Variants in PPME1 observed in about 807,000 individuals in gnomAD.
PPME1 encodes the protein protein phosphatase methylesterase 1.
PPME1 carries 17 observed loss-of-function variants against 56.9 expected under a neutral mutation model. That is an observed-to-expected ratio of 0.30 (90% CI 0.20 to 0.45). The LOEUF (loss-of-function observed/expected upper bound fraction) is 0.45, where lower values mean the gene tolerates loss of function less well. PPME1 is among the 20% of genes least tolerant of loss of function. PPME1 has a pLI of 1.00. For missense variants in PPME1, 357 were observed against 483.2 expected, an observed-to-expected ratio of 0.74 and a Z score of 2.45; for synonymous variants, 122 against 156.2, an observed-to-expected ratio of 0.78 and a Z score of 1.63.
chr11:74,193,587 A>G (rs1857899955), intron 1 of PPME1, among the ~76,000 whole-genome samples: 1 of 152,098 alleles, frequency 6.6e-6, no homozygotes. Flanking sequence ...CACTGTCTTT[A>G]TTTCCTTTCA....
At chr11:74,227,612 T>C (rs532470710) in intron 5 of PPME1, among the ~76,000 whole-genome samples, 1 of 152,190 alleles carries the variant, frequency 6.6e-6, no homozygotes, top group Non-Finnish European at 1.5e-5. Context: ...CAGTAATGCT[T>C]CTCAGAAAAT....
intron 13 of PPME1, 163 bp downstream of exon 13, chr11:74,251,878 A>G: frequency 1.1e-6 from 1 of 934,088 alleles, no homozygotes; most frequent in Non-Finnish European, 1.7e-6. Context: ...GTTTCTACAA[A>G]GCCATGGTTG....
intron 1 of PPME1, among the ~76,000 whole-genome samples, chr11:74,192,764 C>T (rs542195055): frequency 6.6e-5 from 10 of 152,164 alleles, no homozygotes; most frequent in African/African-American, 9.7e-5. Flanking sequence ...TGCTTCTGCT[C>T]TCACCTTGTG....
At chr11:74,192,078 C>CT (rs1286099409) in intron 1 of PPME1, among the ~76,000 whole-genome samples, 7 of 152,222 alleles carry the variant, frequency 4.6e-5, no homozygotes, top group Non-Finnish European at 1.0e-4. Flanking sequence ...GCTCTAACCT[C>CT]TGAGAAAAGC....
chr11:74,203,959 G>T, intron 2 of PPME1, 138 bp downstream of exon 2: 1 of 607,606 alleles, frequency 1.6e-6, no homozygotes, highest in Non-Finnish European at 2.7e-6. Flanking sequence ...ATGGAATATT[G>T]CCTGGAAGTC....
At chr11:74,200,125 T>A (rs541647124) in intron 1 of PPME1, among the ~76,000 whole-genome samples, 150 of 152,250 alleles carry the variant, frequency 9.9e-4, no homozygotes, top group Non-Finnish European at 1.8e-3. Context: ...AATCTAAAAA[T>A]TATAATTAAA....
At chr11:74,198,548 A>T (rs1490484168) in intron 1 of PPME1, among the ~76,000 whole-genome samples, 3 of 152,020 alleles carry the variant, frequency 2.0e-5, no homozygotes, top group Non-Finnish European at 4.4e-5. Context: ...TGCATCCTTG[A>T]TCTCCTGGTC....
Position 74,222,305 on chromosome 11 carries a change from C to T in PPME1, c.289-7C>T. The T allele has an allele frequency of 1.2e-6, 2 of 1,606,464 alleles. No individual in the cohort carries two copies. The highest frequency in any genetic ancestry group is 8.5e-7 in the Non-Finnish European group (1 of 1,173,514). On this transcript the variant is annotated splice_region_variant and splice_polypyrimidine_tract_variant and intron_variant, in intron 3 of 13. Coordinates refer to ENST00000328257, the MANE Select transcript of PPME1 (RefSeq NM_016147.3). ...TGTGTCTTAACTACTTTTCCTTTTT[C>T]TCCTAGGCAGCGATTATTAGTAGAG...
intron 1 of PPME1, among the ~76,000 whole-genome samples, chr11:74,197,034 G>T (rs1384407567): frequency 1.3e-5 from 2 of 152,122 alleles, no homozygotes; most frequent in Admixed American, 1.3e-4. Flanking sequence ...GAGTGGCCTG[G>T]TTCAAATGCC....
chr11:74,210,798 TTA>T (rs981693955), intron 3 of PPME1, among the ~76,000 whole-genome samples: 3 of 152,208 alleles, frequency 2.0e-5, no homozygotes, highest in Non-Finnish European at 4.4e-5. Flanking sequence ...CTTCTTTTCC[TTA>T]TAAATTACTC....
At chr11:74,172,362 A>G (rs1399488925) in intron 1 of PPME1, among the ~76,000 whole-genome samples, 2 of 152,162 alleles carry the variant, frequency 1.3e-5, no homozygotes, top group Non-Finnish European at 2.9e-5. Flanking sequence ...AGATTGAGAG[A>G]TGACTATAAA....
chr11:74,233,178 G>A (rs1404844900), intron 7 of PPME1, among the ~76,000 whole-genome samples: 1 of 152,036 alleles, frequency 6.6e-6, no homozygotes, highest in African/African-American at 2.4e-5. Context: ...GAAGCCAGGG[G>A]ATATACCTAA....
intron 1 of PPME1, among the ~76,000 whole-genome samples, chr11:74,171,943 G>A (rs1347005069): frequency 6.6e-6 from 1 of 152,110 alleles, no homozygotes; most frequent in South Asian, 2.1e-4. Context: ...GGTTTGGGAG[G>A]AGTAGATATT....
At chr11:74,223,931 GA>G (rs1294726975) in intron 4 of PPME1, among the ~76,000 whole-genome samples, 2 of 150,528 alleles carry the variant, frequency 1.3e-5, no homozygotes, top group African/African-American at 4.9e-5. Flanking sequence ...TTGCTGTGCA[GA>G]AGCTCTTTAG....
At chr11:74,216,315 A>T (rs937418946) in intron 3 of PPME1, among the ~76,000 whole-genome samples, 17 of 152,234 alleles carry the variant, frequency 1.1e-4, no homozygotes, top group African/African-American at 4.1e-4. Context: ...ACAATGAAAT[A>T]AAACTAGTAA....
chr11:74,196,548 A>G (rs1411270775), intron 1 of PPME1, among the ~76,000 whole-genome samples: 1 of 152,164 alleles, frequency 6.6e-6, no homozygotes, highest in Non-Finnish European at 1.5e-5. Context: ...GTTACAGGAA[A>G]GGGGTCCCAA....
chr11:74,173,127 A>G (rs1857323007), intron 1 of PPME1, among the ~76,000 whole-genome samples: 1 of 152,216 alleles, frequency 6.6e-6, no homozygotes, highest in African/African-American at 2.4e-5. Context: ...AAGGCTACAT[A>G]GAAGGTAAAG....
intron 3 of PPME1, among the ~76,000 whole-genome samples, chr11:74,211,913 A>G (rs1360921130): frequency 1.3e-5 from 2 of 152,204 alleles, no homozygotes; most frequent in Non-Finnish European, 2.9e-5. Context: ...AAATAAAAGA[A>G]TAACACTTTT....
chr11:74,213,883 CAGACTACAA>C (rs1276209461), intron 3 of PPME1, among the ~76,000 whole-genome samples: 2 of 152,194 alleles, frequency 1.3e-5, no homozygotes, highest in African/African-American at 4.8e-5. Context: ...CAAACAAGCC[CAGACTACAA>C]AGACTACAAT....
Sources: allele counts gnomAD v4.1 joint callset (sites outside exome capture counted in the v4.1 genomes callset), GRCh38; gene constraint gnomAD v4.1.1; transcripts MANE v1.5; gene names NCBI Gene and HGNC (gene_info 2026-07-23, HGNC 2026-07-21).